The following MAP3K9 variants were observed in gnomAD, a reference collection of about 807,000 sequenced individuals.
The protein encoded by MAP3K9 is mitogen-activated protein kinase kinase kinase 9, also known as mixed lineage kinase 1 (tyr and ser/thr specificity).
A neutral mutation model predicts 95.8 loss-of-function variants in MAP3K9; 46 were observed. That is an observed-to-expected ratio of 0.48 (90% CI 0.38 to 0.61). The LOEUF is 0.61. Among genes scored for constraint, MAP3K9 ranks in the 20% least tolerant of loss-of-function variants. The pLI is 0.00. For synonymous variants in MAP3K9, 533 were observed against 593.8 expected (o/e 0.90, Z 1.49); for missense variants, 1,296 against 1,474.3 (o/e 0.88, Z 1.98).
intron 7 of MAP3K9, chr14:70,739,796 T>G: frequency 7.9e-7 from 1 of 1,259,746 alleles, no homozygotes; most frequent in Non-Finnish European, 1.1e-6. Flanking sequence ...AAGATCCCAT[T>G]AGTACCCACA....
intron 2 of MAP3K9, among the ~76,000 whole-genome samples, chr14:70,782,014 T>TCA (rs564750943): frequency 1.3e-5 from 2 of 152,028 alleles, no homozygotes; most frequent in Non-Finnish European, 2.9e-5. Flanking sequence ...CCCTGGGAGG[T>TCA]CATAGCTATG....
chr14:70,742,954 A>G (rs2054096877), intron 5 of MAP3K9, among the ~76,000 whole-genome samples: 1 of 148,956 alleles, frequency 6.7e-6, no homozygotes, highest in South Asian at 2.1e-4. Context: ...AATAGAAAAT[A>G]TAATCATGTA....
chr14:70,768,785 A>G (rs1429087281), intron 2 of MAP3K9, among the ~76,000 whole-genome samples: 1 of 152,098 alleles, frequency 6.6e-6, no homozygotes, highest in Non-Finnish European at 1.5e-5. Flanking sequence ...GCTTTGGTTG[A>G]TGATCTATGT....
At chr14:70,739,120 A>G (rs1356904630) in intron 7 of MAP3K9, among the ~76,000 whole-genome samples, 1 of 152,226 alleles carries the variant, frequency 6.6e-6, no homozygotes, top group Non-Finnish European at 1.5e-5. Flanking sequence ...TTTCAAGGAA[A>G]GCTAGAAATC....
At chr14:70,773,547 A>T (rs2054557297) in intron 2 of MAP3K9, among the ~76,000 whole-genome samples, 2 of 152,204 alleles carry the variant, frequency 1.3e-5, no homozygotes. Context: ...AACATTTACT[A>T]CATTTTCCAG....
chr14:70,766,719 G>A (rs2054460585), intron 2 of MAP3K9, among the ~76,000 whole-genome samples: 1 of 152,148 alleles, frequency 6.6e-6, no homozygotes, highest in African/African-American at 2.4e-5. Flanking sequence ...ATGGGGAAGG[G>A]AATCAAATCC....
chr14:70,762,853 A>C (rs926247482), intron 2 of MAP3K9, among the ~76,000 whole-genome samples: 2 of 152,242 alleles, frequency 1.3e-5, no homozygotes, highest in Non-Finnish European at 2.9e-5. Context: ...TTTTCTTCCA[A>C]AAGTTTTATG....
intron 8 of MAP3K9, among the ~76,000 whole-genome samples, chr14:70,737,982 G>A (rs2054008504): frequency 6.6e-6 from 1 of 152,106 alleles, no homozygotes; most frequent in South Asian, 2.1e-4. Flanking sequence ...CAACAGTGGC[G>A]CTCAAGAGTT....
At chr14:70,741,692 C>T (rs2054072000) in intron 6 of MAP3K9, among the ~76,000 whole-genome samples, 1 of 152,112 alleles carries the variant, frequency 6.6e-6, no homozygotes. Flanking sequence ...ATTAAAAAAA[C>T]GTCAGCCAGG....
chr14:70,748,781 C>CT, intron 5 of MAP3K9, 48 bp downstream of exon 5: 4 of 1,528,136 alleles, frequency 2.6e-6, no homozygotes, highest in Non-Finnish European at 3.6e-6. Flanking sequence ...CAATGCATGC[C>CT]TTTTTTCTTT....
chr14:70,783,116 A>T (rs2054702920), intron 2 of MAP3K9: 1 of 217,896 alleles, frequency 4.6e-6, no homozygotes, highest in Non-Finnish European at 7.8e-6. Context: ...CTCTCCACCA[A>T]TATACTACAC....
chr14:70,782,841 G>A (rs1051945850), intron 2 of MAP3K9, among the ~76,000 whole-genome samples: 1 of 152,144 alleles, frequency 6.6e-6, no homozygotes, highest in Non-Finnish European at 1.5e-5. Context: ...ACAGAGTTGA[G>A]GATCTCACCA....
At chr14:70,748,563 A>C (rs2054181208) in intron 5 of MAP3K9, among the ~76,000 whole-genome samples, 1 of 152,164 alleles carries the variant, frequency 6.6e-6, no homozygotes, top group South Asian at 2.1e-4. Flanking sequence ...CATTTCCAGA[A>C]CTTCTCATAT....
intron 1 of MAP3K9, among the ~76,000 whole-genome samples, chr14:70,803,148 A>G (rs535928434): frequency 1.4e-4 from 21 of 152,128 alleles, no homozygotes; most frequent in African/African-American, 4.1e-4. Flanking sequence ...TCCGCCATGA[A>G]TAAAAGCTCC....
chr14:70,736,084 C>T (rs763233837), intron 8 of MAP3K9, 55 bp from the exon 9 acceptor site: 6 of 1,192,682 alleles, frequency 5.0e-6, no homozygotes, highest in South Asian at 1.2e-5. Flanking sequence ...TCCAGCTCAG[C>T]CTCTCCCACA....
At chr14:70,765,323 C>A (rs1045184887) in intron 2 of MAP3K9, 8 of 414,086 alleles carry the variant, frequency 1.9e-5, no homozygotes, top group Non-Finnish European at 2.6e-5. Flanking sequence ...GAGTGAGACT[C>A]CGTCTAAAAA....
At chr14:70,748,027 G>C (rs2054172240) in intron 5 of MAP3K9, among the ~76,000 whole-genome samples, 1 of 52 alleles carries the variant, frequency 0.019, no homozygotes, top group African/African-American at 0.083. Flanking sequence ...AGAATGGCGT[G>C]AACCCAGAGG....
intron 9 of MAP3K9, 81 bp from the exon 10 acceptor site, chr14:70,734,579 G>A (rs145694608): frequency 5.7e-5 from 44 of 768,462 alleles, no homozygotes; most frequent in African/African-American, 4.7e-4. Flanking sequence ...CTATGGAGAC[G>A]TTTCTCCCTG....
At chr14:70,764,788 T>C (rs1488386769) in intron 2 of MAP3K9, among the ~76,000 whole-genome samples, 2 of 151,972 alleles carry the variant, frequency 1.3e-5, no homozygotes. Flanking sequence ...GCTGTGATTG[T>C]ACCACTGTAC....
Sources: gnomAD v4.1 joint callset for allele counts (sites outside exome capture counted in the v4.1 genomes callset) on GRCh38, gnomAD v4.1.1 for gene constraint, MANE v1.5 for transcripts, NCBI Gene and HGNC (gene_info 2026-07-23, HGNC 2026-07-21) for gene names.